The following USP35 variants were observed in gnomAD, a reference collection of about 807,000 sequenced individuals.
The protein encoded by USP35 is ubiquitin specific peptidase 35, also known as ubiquitin carboxyl-terminal hydrolase 35.
In USP35, 69 loss-of-function variants were observed where a neutral mutation model predicts 83.8. The ratio of observed to expected loss-of-function variants is 0.82; its 90% CI spans 0.68 to 1.01. USP35 has a LOEUF of 1.01. USP35 is among the 50% of genes least tolerant of loss of function. The probability of loss-of-function intolerance (pLI) is 0.00; values close to 1 mark genes in which losing one functional copy is unlikely to be tolerated. For synonymous variants in USP35, 714 were observed against 589.5 expected, an observed-to-expected ratio of 1.21 and a Z score of -3.06; for missense variants, 1,503 against 1,362.5, an observed-to-expected ratio of 1.10 and a Z score of -1.62.
the USP35 span, among the ~76,000 whole-genome samples, chr11:78,234,393 G>A: frequency 3.9e-5 from 6 of 151,942 alleles, no homozygotes; most frequent in African/African-American, 9.7e-5. Context: ...TAGAAGTTTC[G>A]TAGTATTAGA....
At chr11:78,221,780 C>T in the USP35 span, 3 of 1,608,252 alleles carry the variant, frequency 1.9e-6, no homozygotes, top group East Asian at 4.5e-5. Context: ...GAAGGTGTGG[C>T]TGTTGTGGGA....
chr11:78,189,391 A>G (rs1350677797), intron 1 of USP35, among the ~76,000 whole-genome samples: 1 of 152,154 alleles, frequency 6.6e-6, no homozygotes, highest in Non-Finnish European at 1.5e-5. Context: ...CTTTCAGGTA[A>G]GAGGGCATTC....
At chr11:78,235,175 CAG>C in the USP35 span, among the ~76,000 whole-genome samples, 1 of 151,894 alleles carries the variant, frequency 6.6e-6, no homozygotes, top group African/African-American at 2.4e-5. Flanking sequence ...CTTTTTGAGA[CAG>C]AGTCTCACTC....
chr11:78,236,575 C>T, the USP35 span, among the ~76,000 whole-genome samples: 1 of 152,198 alleles, frequency 6.6e-6, no homozygotes, highest in Non-Finnish European at 1.5e-5. Context: ...AATATTTCTC[C>T]ATTAGGTATG....
Position 78,210,004 on chromosome 11 carries a change from G to C in USP35, c.2149G>C (p.Glu717Gln). The change falls in exon 10 of 11, where the codon GAG becomes CAG. Residue 717 changes from glutamate to glutamine, a missense_variant. Glu to Gln is a conservative substitution (Grantham distance 29). Transcript: ENST00000529308. ...EKEEEVEEEE[E>Q]KVEKETEKEA... Reference sequence around the variant, plus strand: ...AGAGGAGGAGGTGGAAGAGGAAGAAGAGAAGGTGGAGAAGGAGACAGAAAA... The same window carrying C: ...AGAGGAGGAGGTGGAAGAGGAAGAACAGAAGGTGGAGAAGGAGACAGAAAA... 6.2e-7 allele frequency: 1 copy of C among 1,613,324 alleles called. No homozygotes were observed. The highest frequency in any genetic ancestry group is 8.5e-7 in the Non-Finnish European group (1 of 1,179,612).
chr11:78,198,564 G>A lies in USP35; in HGVS notation c.806+496G>A, dbSNP rs73507216. ...CTGTCCAGTTGTCCCAGAATATGCC[G>A]CTCCCCTCCTCCCTGCAGGCCTTTG... is the stretch of plus-strand genomic sequence containing the variant. On this transcript the variant is annotated intron_variant, in intron 3 of 10. Transcript: ENST00000529308. 4,012 of 970,494 alleles carry A rather than the reference G, an allele frequency of 4.1e-3. 103 individuals carry two copies. In the African/African-American group the frequency reaches 0.065, roughly 16 times the overall value. 60.1% of individuals were successfully genotyped at this position (970,494 alleles called of 1,614,324 possible). A position where few individuals can be genotyped will look rare whatever the true frequency, so the allele number is the denominator to read the frequency against.
At chr11:78,190,188 C>G (rs528502512) in intron 1 of USP35, among the ~76,000 whole-genome samples, 1 of 152,250 alleles carries the variant, frequency 6.6e-6, no homozygotes, top group South Asian at 2.1e-4. Flanking sequence ...CTTCTCAGGT[C>G]CTAGGAGATT....
chr11:78,203,373 TCAG>T (rs1367394729), intron 6 of USP35, among the ~76,000 whole-genome samples: 5 of 152,002 alleles, frequency 3.3e-5, no homozygotes, highest in African/African-American at 1.2e-4. Context: ...ATCAGAAAAA[TCAG>T]CAGAGCAGTG....
chr11:78,223,447 G>C, the USP35 span: 1 of 1,579,690 alleles, frequency 6.3e-7, no homozygotes, highest in Non-Finnish European at 8.6e-7. Flanking sequence ...GTTGACAGGG[G>C]GTGGCTGAAT....
the USP35 span, among the ~76,000 whole-genome samples, chr11:78,223,843 G>C: frequency 6.6e-6 from 1 of 152,254 alleles, no homozygotes; most frequent in South Asian, 2.1e-4. Flanking sequence ...AGTAGTGGGA[G>C]GCTGAGGCAG....
Position 78,196,191 on chromosome 11 carries a change from G to A in USP35, c.-10-45G>A. On this transcript the variant is annotated intron_variant, in intron 1 of 10. Coordinates refer to ENST00000529308, the MANE Select transcript of USP35 (RefSeq NM_020798.4). This position sits in a 1 kb window ranked among gnomAD's most constrained non-coding sequence, Gnocchi z 4.8. ...CGGGGACTGCACCGGGAACTCTTGA[G>A]CCCCGCGGTTGTCGGGCTGTGACCT... The A allele has an allele frequency of 6.5e-7, 1 of 1,533,404 alleles. No homozygotes were observed. Among genetic ancestry groups the A allele is most frequent in the Admixed American group, 2.0e-5 (1 of 50,066 alleles). The allele number at this position is 1,533,404 out of a possible 1,614,324, so 95.0% of individuals were successfully genotyped here.
rs1864007970 is a variant in USP35 at position 78,214,544 on chromosome 11, TAGGA to T, written c.*734_*737del. The T allele has an allele frequency of 6.7e-6, 1 of 150,042 alleles. No homozygotes were observed. The highest frequency in any genetic ancestry group is 6.6e-5 in the Admixed American group (1 of 15,194). The allele number at this position is 150,042 out of a possible 1,614,324, so 9.3% of individuals were successfully genotyped here. A position where few individuals can be genotyped will look rare whatever the true frequency, so the allele number is the denominator to read the frequency against. ...ATGTTCCTTGTGAAGTGTGGGCTCTTAGGAAGCCTGTGGGCTCCTCTGAGCAGTT... is the reference window on the plus strand; with the variant it reads ...ATGTTCCTTGTGAAGTGTGGGCTCTTAGCCTGTGGGCTCCTCTGAGCAGTT... On this transcript the variant is annotated 3_prime_UTR_variant, in exon 11 of 11. Transcript: ENST00000529308.
At chr11:78,219,400 C>T (rs746171817), downstream of USP35, 47 of 1,613,650 alleles carry the variant, frequency 2.9e-5, no homozygotes, top group East Asian at 8.9e-5. Flanking sequence ...TCAGAGGTGA[C>T]GGATGAAGTA....
chr11:78,191,544 G>A (rs1477241990), intron 1 of USP35, among the ~76,000 whole-genome samples: 1 of 152,150 alleles, frequency 6.6e-6, no homozygotes, highest in Non-Finnish European at 1.5e-5. Context: ...GGCTAGACTC[G>A]AAGCCTGGAC....
Position 78,210,641 on chromosome 11 carries a change from AG to A in USP35, c.2790del (p.Glu932ArgfsTer19). 1.2e-6 allele frequency: 2 copies of A among 1,614,044 alleles called. No individual in the cohort carries two copies. The highest frequency in any genetic ancestry group is 1.7e-6 in the Non-Finnish European group (2 of 1,179,960). ...CTGTTTTACCGGCAGCGGCCCAGGG[AG>A]GGGCCCGAGGCTGAGTTGGGCTCTT... The part of the protein sequence containing the change: ...YVLFYRQRPR[E>X]GPEAELGSSR... On this transcript the variant is annotated frameshift_variant, in exon 10 of 11. Transcript: ENST00000529308. LOFTEE classifies it high-confidence loss of function.
rs569229943 is a variant in USP35, at chr11:78,209,367, A to G, written c.1593-81A>G. The G allele has an allele frequency of 2.6e-5, 37 of 1,400,122 alleles. No homozygotes were observed. In the South Asian group the frequency reaches 4.9e-4, roughly 19 times the overall value. The allele number at this position is 1,400,122 out of a possible 1,614,324, so 86.7% of individuals were successfully genotyped here. A position where few individuals can be genotyped will look rare whatever the true frequency, so the allele number is the denominator to read the frequency against. ...CGTCTCAATGTGTGGCTGTTGGGGA[A>G]GGTAAATGGGCATGGATAAGCTGAG... On this transcript the variant is annotated intron_variant, in intron 9 of 10. Coordinates refer to ENST00000529308, the MANE Select transcript of USP35 (RefSeq NM_020798.4).
chr11:78,200,086 C>A (rs371676004), intron 4 of USP35, 47 bp from the exon 5 acceptor site: 1 of 1,601,370 alleles, frequency 6.2e-7, no homozygotes, highest in Non-Finnish European at 8.6e-7. Flanking sequence ...TCTACTTGGC[C>A]TCAGCAGCTC....
chr11:78,219,369 T>A, downstream of USP35: 4 of 1,613,884 alleles, frequency 2.5e-6, no homozygotes, highest in Non-Finnish European at 3.4e-6. Context: ...CTTGTCCACC[T>A]GAACGTAGTC....
Position 78,205,984 on chromosome 11 carries a change from G to C in USP35, c.1340G>C (p.Gly447Ala). The C allele has an allele frequency of 6.2e-7, 1 of 1,614,258 alleles. No homozygotes were observed. The highest frequency in any genetic ancestry group is 8.5e-7 in the Non-Finnish European group (1 of 1,180,034). Residue 447 changes from glycine (G) to alanine (A), a missense_variant, in exon 7 of 11, where the codon GGC becomes GCC. Physicochemically the swap from Gly to Ala is moderately conservative, Grantham distance 60. Transcript: ENST00000529308. ...DTGKIGLINL[G>A]NTCYVNSILQ... ...GGCAAGATTGGTCTCATCAACCTGG[G>C]CAACACATGCTATGTCAACAGCATC...
Sources: allele counts gnomAD v4.1 joint callset (sites outside exome capture counted in the v4.1 genomes callset), GRCh38; gene constraint gnomAD v4.1.1; non-coding constraint Gnocchi (gnomAD v3.1); transcripts MANE v1.5; gene names NCBI Gene and HGNC (gene_info 2026-07-23, HGNC 2026-07-21).